MATN2: variants seen among roughly 807,000 people sequenced by gnomAD.
The protein encoded by MATN2 is matrilin 2.
A neutral mutation model predicts 103.2 loss-of-function variants in MATN2; 69 were observed. The ratio of observed to expected loss-of-function variants is 0.67; its 90% CI spans 0.55 to 0.82. MATN2 has a LOEUF of 0.82. MATN2 is among the 40% of genes least tolerant of loss of function. The pLI is 0.00. For synonymous variants in MATN2, 429 were observed against 450.2 expected (o/e 0.95, Z 0.60); for missense variants, 1,023 against 1,211.5 (o/e 0.84, Z 2.31).
At chr8:97,897,818 A>G (rs1818862038) in intron 2 of MATN2, among the ~76,000 whole-genome samples, 1 of 152,210 alleles carries the variant, frequency 6.6e-6, no homozygotes, top group Non-Finnish European at 1.5e-5. Context: ...TATAAACTGT[A>G]TGAAGTAAAA....
At chr8:97,947,288 C>G (rs1478750315) in intron 4 of MATN2, among the ~76,000 whole-genome samples, 1 of 152,204 alleles carries the variant, frequency 6.6e-6, no homozygotes, top group African/African-American at 2.4e-5. Context: ...AGGAGAATCA[C>G]TTGAACCTGG....
At chr8:97,885,207 G>A (rs1181467680) in intron 1 of MATN2, among the ~76,000 whole-genome samples, 1 of 152,218 alleles carries the variant, frequency 6.6e-6, no homozygotes, top group Non-Finnish European at 1.5e-5. Flanking sequence ...AGAGCATGTT[G>A]TATACATTTT....
At chr8:97,934,506 T>C (rs1427214755) in intron 3 of MATN2, among the ~76,000 whole-genome samples, 1 of 152,224 alleles carries the variant, frequency 6.6e-6, no homozygotes, top group African/African-American at 2.4e-5. Flanking sequence ...TTGGGAAGTC[T>C]CATTTGTTCC....
Position 98,027,714 on chromosome 8 carries a change from C to T in MATN2, c.2241C>T (p.Thr747=). 3.7e-6 allele frequency: 6 copies of T among 1,613,914 alleles called. No individual in the cohort carries two copies. Among genetic ancestry groups the T allele is most frequent in the Non-Finnish European group, 5.1e-6 (6 of 1,179,862 alleles). ...AACACATGTTTGAGAGAAGTTTTACCCAAGGAGAAGGGGCCAGGCCCCTTT... is the reference window on the plus strand; with the variant it reads ...AACACATGTTTGAGAGAAGTTTTACTCAAGGAGAAGGGGCCAGGCCCCTTT... ...ALKHMFERSF[T]QGEGARPLST... is the part of the protein sequence containing the mutation. The change falls in exon 14 of 19, where the codon ACC becomes ACT. Residue 747 remains threonine, a synonymous_variant. Coordinates refer to ENST00000254898, the MANE Select transcript of MATN2 (RefSeq NM_002380.5).
At chr8:97,976,018 A>G (rs961289270) in intron 5 of MATN2, among the ~76,000 whole-genome samples, 4 of 152,240 alleles carry the variant, frequency 2.6e-5, no homozygotes, top group Admixed American at 6.5e-5. Context: ...CTGAGATGAC[A>G]TGAATGCCCT....
At chr8:97,940,929 T>C (rs1810530006) in intron 3 of MATN2, among the ~76,000 whole-genome samples, 1 of 151,806 alleles carries the variant, frequency 6.6e-6, no homozygotes, top group Admixed American at 6.6e-5. Flanking sequence ...GAGGCCAAAC[T>C]GGGAGGATTG....
intron 2 of MATN2, among the ~76,000 whole-genome samples, chr8:97,915,772 C>T (rs1477616524): frequency 1.3e-5 from 2 of 152,160 alleles, no homozygotes; most frequent in African/African-American, 4.8e-5. Context: ...TTAAAACCTT[C>T]CTATGCTGCT....
At chr8:97,956,726 T>C (rs1232312463) in intron 4 of MATN2, among the ~76,000 whole-genome samples, 1 of 152,140 alleles carries the variant, frequency 6.6e-6, no homozygotes, top group Non-Finnish European at 1.5e-5. Context: ...TGGAGTTGAG[T>C]CCTGCCTCCT....
chr8:97,924,141 G>A (rs369396308), intron 2 of MATN2, among the ~76,000 whole-genome samples: 2 of 151,998 alleles, frequency 1.3e-5, no homozygotes, highest in East Asian at 1.9e-4. Context: ...CATCGTTCTC[G>A]TTTGGCTACA....
chr8:97,995,209 T>C (rs914506930), intron 7 of MATN2, among the ~76,000 whole-genome samples: 1 of 152,200 alleles, frequency 6.6e-6, no homozygotes, highest in Non-Finnish European at 1.5e-5. Context: ...AAACCATTCC[T>C]GAGAGACTGC....
chr8:97,933,909 C>G (rs1262942637), intron 3 of MATN2, among the ~76,000 whole-genome samples: 1 of 152,170 alleles, frequency 6.6e-6, no homozygotes, highest in Non-Finnish European at 1.5e-5. Flanking sequence ...AAAGCACTTT[C>G]CCTTATGTTA....
chr8:97,913,154 A>T (rs905674325), intron 2 of MATN2, among the ~76,000 whole-genome samples: 1 of 152,162 alleles, frequency 6.6e-6, no homozygotes, highest in African/African-American at 2.4e-5. Context: ...CTTTGTGAAT[A>T]TATTGAATTG....
At chr8:97,999,093 A>T (rs911958201) in intron 7 of MATN2, among the ~76,000 whole-genome samples, 2 of 152,212 alleles carry the variant, frequency 1.3e-5, no homozygotes, top group Non-Finnish European at 2.9e-5. Context: ...GAATCATAGA[A>T]TATTTGTCCT....
At chr8:97,902,148 C>G (rs1819003316) in intron 2 of MATN2, among the ~76,000 whole-genome samples, 1 of 151,056 alleles carries the variant, frequency 6.6e-6, no homozygotes, top group African/African-American at 2.4e-5. Context: ...GAGATATGAG[C>G]CACTGTGCCT....
rs765802052 is a variant in MATN2 at position 97,931,055 on chromosome 8, A to G, written c.245A>G (p.Asp82Gly). The change falls in exon 3 of 19, where the codon GAC becomes GGC. Residue 82 changes from aspartate (D) to glycine (G), a missense_variant. Coordinates refer to ENST00000254898, the MANE Select transcript of MATN2 (RefSeq NM_002380.5). This position sits in a 1 kb window ranked among gnomAD's most constrained non-coding sequence, Gnocchi z 4.1. The stretch of plus-strand genomic sequence containing the variant: ...GCAAAGGTCAAGGAGTTCATCGTGG[A>G]CATCTTGCAATTCTTGGACATTGGT... ...DYAKVKEFIV[D>G]ILQFLDIGPD... 3.7e-6 allele frequency: 6 copies of G among 1,613,904 alleles called. No homozygotes were observed. In the African/African-American group the frequency reaches 8.0e-5, roughly 22 times the overall value.
chr8:97,927,733 T>G (rs551045616), intron 2 of MATN2, among the ~76,000 whole-genome samples: 55 of 152,342 alleles, frequency 3.6e-4, no homozygotes, highest in African/African-American at 1.2e-3. Context: ...ACTACCCATT[T>G]GTTTTGAAGG....
chr8:97,889,462 T>C (rs1251804699), intron 2 of MATN2, among the ~76,000 whole-genome samples: 2 of 13,794 alleles, frequency 1.4e-4, no homozygotes, highest in East Asian at 2.3e-3. Flanking sequence ...TCTCTGTCTA[T>C]ATATATATAT....
chr8:97,977,244 A>G (rs1811870048), intron 5 of MATN2, among the ~76,000 whole-genome samples: 1 of 148,240 alleles, frequency 6.7e-6, no homozygotes, highest in South Asian at 2.2e-4. Context: ...TCAAAAAAAA[A>G]AAAAAAAAAA....
intron 3 of MATN2, among the ~76,000 whole-genome samples, chr8:97,938,914 G>C (rs1033603482): frequency 6.6e-6 from 1 of 151,988 alleles, no homozygotes; most frequent in African/African-American, 2.4e-5. Flanking sequence ...ACAGAGTCTC[G>C]CTGTGTCTGC....
Sources: gnomAD v4.1 joint callset for allele counts (sites outside exome capture counted in the v4.1 genomes callset) on GRCh38, gnomAD v4.1.1 for gene constraint, Gnocchi (gnomAD v3.1) non-coding constraint, MANE v1.5 for transcripts, NCBI Gene and HGNC (gene_info 2026-07-23, HGNC 2026-07-21) for gene names.